Variants in PAQR3 observed in about 807,000 individuals in gnomAD.
The protein encoded by PAQR3 is progestin and adipoQ receptor family member 3.
PAQR3 carries 39 observed loss-of-function variants against 41.7 expected under a neutral mutation model. That is an observed-to-expected ratio of 0.93 (90% CI 0.72 to 1.22). The LOEUF (loss-of-function observed/expected upper bound fraction) is 1.22, where lower values mean the gene tolerates loss of function less well. Among genes scored for constraint, PAQR3 ranks in the 50% most tolerant of loss-of-function variants. The probability of loss-of-function intolerance (pLI) is 0.00; values close to 1 mark genes in which losing one functional copy is unlikely to be tolerated. For synonymous variants in PAQR3, 140 were observed against 140.6 expected, an observed-to-expected ratio of 1.00 and a Z score of 0.03; for missense variants, 366 against 385.6, an observed-to-expected ratio of 0.95 and a Z score of 0.42.
At chr4:78,890,401 T>TGC (rs1489754683) in intron 11 of PAQR3, among the ~76,000 whole-genome samples, 19 of 132,534 alleles carry the variant, frequency 1.4e-4, no homozygotes, top group African/African-American at 5.9e-4. Context: ...TACACAATCA[T>TGC]GCGCACACAC....
At chr4:78,911,457 C>G (rs769894741), downstream of PAQR3, 2 of 1,614,016 alleles carry the variant, frequency 1.2e-6, no homozygotes, top group Non-Finnish European at 1.7e-6. Context: ...AGCAAAAAGT[C>G]AAACAGCGCA....
At chr4:78,920,744 T>A in intron 5 of PAQR3, 63 bp from the exon 6 acceptor site, 1 of 1,519,568 alleles carries the variant, frequency 6.6e-7, no homozygotes, top group Non-Finnish European at 8.9e-7. Flanking sequence ...AGGAAAAATA[T>A]ATTTCTTGGA....
chr4:78,891,480 C>A (rs1733435857), intron 11 of PAQR3, among the ~76,000 whole-genome samples: 1 of 151,986 alleles, frequency 6.6e-6, no homozygotes, highest in Admixed American at 6.5e-5. Context: ...TCTGGACTTT[C>A]TTCTTTTAAA....
intron 1 of PAQR3, among the ~76,000 whole-genome samples, chr4:78,936,129 G>C (rs982493069): frequency 2.0e-5 from 3 of 152,122 alleles, no homozygotes; most frequent in East Asian, 3.9e-4. Context: ...TACAGTAATG[G>C]AGCTTCATTA....
chr4:78,938,989 G>A (rs1439870535), intron 1 of PAQR3, 51 bp downstream of exon 1: 2 of 1,486,326 alleles, frequency 1.3e-6, no homozygotes, highest in African/African-American at 1.4e-5. Context: ...CAGACAAAAA[G>A]GGTGTAGGTG....
At chr4:78,908,193 CCTG>C (rs769852841), downstream of PAQR3, among the ~76,000 whole-genome samples, 2 of 152,114 alleles carry the variant, frequency 1.3e-5, no homozygotes, top group African/African-American at 2.4e-5. Context: ...TTAAGTATAA[CCTG>C]GTGGTATTCT....
chr4:78,926,771 G>C, intron 3 of PAQR3, 53 bp from the exon 4 acceptor site: 1 of 1,538,082 alleles, frequency 6.5e-7, no homozygotes, highest in East Asian at 2.3e-5. Flanking sequence ...TAAAGGAACT[G>C]AAAAAGTAAT....
At chr4:78,909,456 C>T (rs923496449), downstream of PAQR3, among the ~76,000 whole-genome samples, 10 of 152,020 alleles carry the variant, frequency 6.6e-5, no homozygotes, top group East Asian at 3.9e-4. Context: ...ATGAAATATA[C>T]GCTGCTTATC....
intron 2 of PAQR3, chr4:78,933,259 A>G (rs1031878134): frequency 6.6e-6 from 3 of 456,130 alleles, no homozygotes; most frequent in Non-Finnish European, 1.3e-5. Flanking sequence ...ACATTCAACA[A>G]ATATTTGTTA....
chr4:78,918,611 C>G lies in PAQR3; in HGVS notation c.*1928G>C. 1 of 962,864 alleles carries G rather than the reference C, an allele frequency of 1.0e-6. No individual in the cohort carries two copies. Among genetic ancestry groups the G allele is most frequent in the Non-Finnish European group, 1.2e-6 (1 of 809,226 alleles). The allele number at this position is 962,864 out of a possible 1,614,324, so 59.6% of individuals were successfully genotyped here. On this transcript the variant is annotated 3_prime_UTR_variant, in exon 6 of 6. Transcript: ENST00000512733. ...TCAAAGAAACACGGATTTAAAAACA[C>G]AGTATACTCTTTTCATGTTATTAAT...
chr4:78,909,276 T>C (rs560545571), downstream of PAQR3, among the ~76,000 whole-genome samples: 207 of 152,134 alleles, frequency 1.4e-3, 1 homozygote, highest in African/African-American at 4.6e-3. Context: ...GACCTCGTGA[T>C]CCACCCGCCT....
At chr4:78,898,949 A>C (rs1406216226) in intron 11 of PAQR3, 1 of 152,186 alleles carries the variant, frequency 6.6e-6, no homozygotes, top group African/African-American at 2.4e-5. Context: ...GCAATGCACT[A>C]TGCTGATCCT....
At chr4:78,921,536 A>G (rs982533768) in intron 5 of PAQR3, 3 of 446,166 alleles carry the variant, frequency 6.7e-6, no homozygotes, top group African/African-American at 6.5e-5. Context: ...TGAAGCCTAC[A>G]GACCCATTTT....
intron 1 of PAQR3, among the ~76,000 whole-genome samples, chr4:78,938,418 C>G (rs1469695259): frequency 6.6e-6 from 1 of 152,030 alleles, no homozygotes; most frequent in Non-Finnish European, 1.5e-5. Flanking sequence ...ACTGGGTGCC[C>G]GTTATGAGCT....
rs1160947711 is a variant in PAQR3, at chr4:78,913,045, T to C, written c.*7494A>G. 2 of 152,222 alleles carry C rather than the reference T, an allele frequency of 1.3e-5. No individual in the cohort carries two copies. Among genetic ancestry groups the C allele is most frequent in the Non-Finnish European group, 2.9e-5 (2 of 68,036 alleles). The allele number at this position is 152,222 out of a possible 1,614,324, so 9.4% of individuals were successfully genotyped here. A position where few individuals can be genotyped will look rare whatever the true frequency, so the allele number is the denominator to read the frequency against. On this transcript the variant is annotated 3_prime_UTR_variant, in exon 6 of 6. Coordinates refer to ENST00000512733, the MANE Select transcript of PAQR3 (RefSeq NM_001040202.2). ...AACTGAATTTTCAAGACATTTACAATGTGAAATCATGTTGCATTTAACAAT... is the reference window on the plus strand; with the variant it reads ...AACTGAATTTTCAAGACATTTACAACGTGAAATCATGTTGCATTTAACAAT...
In PAQR3 at chr4:78,939,241, C is replaced by G; in HGVS notation, c.-17G>C. 4 of 1,571,544 alleles carry G rather than the reference C, an allele frequency of 2.5e-6. No homozygotes were observed. The highest frequency in any genetic ancestry group is 3.4e-6 in the Non-Finnish European group (4 of 1,162,086). ...CTGATGCATCGTTCCCGGCCGCCGC[C>G]GCTCCCCGGCTCGGGAGCTCCCCCA... On this transcript the variant is annotated 5_prime_UTR_variant, in exon 1 of 6. Coordinates refer to ENST00000512733, the MANE Select transcript of PAQR3 (RefSeq NM_001040202.2).
At chr4:78,911,376 A>C (rs1734589202), downstream of PAQR3, 1 of 1,614,004 alleles carries the variant, frequency 6.2e-7, no homozygotes. Flanking sequence ...TCCTCACATC[A>C]ACAAGTAAAA....
At chr4:78,936,489 T>C (rs1246345517) in intron 1 of PAQR3, among the ~76,000 whole-genome samples, 1 of 152,224 alleles carries the variant, frequency 6.6e-6, no homozygotes, top group African/African-American at 2.4e-5. Context: ...CTGCTACAAA[T>C]TTAGTTATAC....
rs1168299421 is a variant in PAQR3 at position 78,918,160 on chromosome 4, C to G, written c.*2379G>C. Reference sequence around the variant, plus strand: ...AATTTTAAAATGTAAAATCTGTAGGCAAAAAGCTTTTATAGTTCACACATT... The same window carrying G: ...AATTTTAAAATGTAAAATCTGTAGGGAAAAAGCTTTTATAGTTCACACATT... On this transcript the variant is annotated 3_prime_UTR_variant, in exon 6 of 6. Coordinates refer to ENST00000512733, the MANE Select transcript of PAQR3 (RefSeq NM_001040202.2). 2.1e-6 allele frequency: 2 copies of G among 954,540 alleles called. No individual in the cohort carries two copies. The highest frequency in any genetic ancestry group is 2.5e-6 in the Non-Finnish European group (2 of 801,800). 59.1% of individuals were successfully genotyped at this position (954,540 alleles called of 1,614,324 possible). A position where few individuals can be genotyped will look rare whatever the true frequency, so the allele number is the denominator to read the frequency against.
Sources: gnomAD v4.1 joint callset for allele counts (sites outside exome capture counted in the v4.1 genomes callset) on GRCh38, gnomAD v4.1.1 for gene constraint, MANE v1.5 for transcripts, NCBI Gene and HGNC (gene_info 2026-07-23, HGNC 2026-07-21) for gene names.